Variants in MYO5A observed in about 807,000 individuals in gnomAD.
MYO5A encodes unconventional myosin-Va.
MYO5A carries 98 observed loss-of-function variants against 249.7 expected under a neutral mutation model. That is an observed-to-expected ratio of 0.39 (90% confidence interval 0.33 to 0.46). MYO5A has a LOEUF of 0.46. MYO5A is among the 20% of genes least tolerant of loss of function. MYO5A has a pLI of 0.98. For synonymous variants in MYO5A, 778 were observed against 810.6 expected (o/e 0.96, Z 0.68); for missense variants, 1,696 against 2,308.8 (o/e 0.73, Z 5.44).
At chr15:52,402,458 TATG>T (rs1411097303) in intron 9 of MYO5A, among the ~76,000 whole-genome samples, 1 of 152,182 alleles carries the variant, frequency 6.6e-6, no homozygotes, top group African/African-American at 2.4e-5. Flanking sequence ...CTCACTTGGC[TATG>T]AAACCCAAAG....
chr15:52,356,714 C>T (rs541574508), intron 25 of MYO5A, among the ~76,000 whole-genome samples: 47 of 147,174 alleles, frequency 3.2e-4, no homozygotes, highest in Non-Finnish European at 5.2e-4. Context: ...CAGTAGTAAC[C>T]GTTATAATTA....
At chr15:52,493,087 T>C (rs991355927) in intron 1 of MYO5A, among the ~76,000 whole-genome samples, 1 of 152,130 alleles carries the variant, frequency 6.6e-6, no homozygotes, top group African/African-American at 2.4e-5. Context: ...AGGCTTTTGA[T>C]TGGGACTCTC....
chr15:52,357,465 A>AAG (rs1555432920), intron 25 of MYO5A, among the ~76,000 whole-genome samples: 1,602 of 151,634 alleles, frequency 0.011, 23 homozygotes, highest in African/African-American at 0.037. Flanking sequence ...AAAAAAAAAA[A>AAG]AAAGAAAAAA....
chr15:52,493,949 A>T (rs1355498113), intron 1 of MYO5A, among the ~76,000 whole-genome samples: 1 of 152,238 alleles, frequency 6.6e-6, no homozygotes, highest in Non-Finnish European at 1.5e-5. Context: ...AGCTTGTATC[A>T]TACAAGAGTA....
At chr15:52,366,044 A>G (rs1393671025) in intron 23 of MYO5A, among the ~76,000 whole-genome samples, 3 of 152,046 alleles carry the variant, frequency 2.0e-5, no homozygotes, top group African/African-American at 7.3e-5. Context: ...CCTCAGTATT[A>G]GCCCCTTCAG....
chr15:52,469,060 A>C lies in MYO5A; in HGVS notation c.28-35775T>G, dbSNP rs181690013. Among the ~76,000 whole-genome samples, 68 of 152,360 alleles carry C rather than the reference A, an allele frequency of 4.5e-4. 1 individual carries two copies. The East Asian group carries it at 7.1e-3, about 16-fold the overall frequency. On this transcript the variant is annotated intron_variant, in intron 1 of 41. Transcript: ENST00000399233. ...TAAAAAATACAAATAATTATTTCTA[A>C]AAATGTTCTGCAGCATTGTTTGTAA...
intron 2 of MYO5A, among the ~76,000 whole-genome samples, chr15:52,432,445 A>G (rs1266109438): frequency 6.6e-6 from 1 of 152,258 alleles, no homozygotes. Context: ...GCAAAAATCC[A>G]ATATAGTCAA....
rs752252364 is a variant in MYO5A, at chr15:52,416,151, G to A, written c.606C>T (p.Ile202=). The A allele has an allele frequency of 6.2e-7, 1 of 1,614,006 alleles. No individual in the cohort carries two copies. The highest frequency in any genetic ancestry group is 1.1e-5 in the South Asian group (1 of 91,076). ...VEEKVLASNP[I]MESIGNAKTT... ...CGAAGACTCGCTGTCTTACCTCCAT[G>A]ATGGGGTTGGAGGCCAAGACCTTTT... Residue 202 remains isoleucine, a synonymous_variant, in exon 5 of 42, where the codon ATC becomes ATT. Transcript: ENST00000399233.
intron 19 of MYO5A, 31 bp downstream of exon 19, chr15:52,376,316 G>A: frequency 1.2e-6 from 2 of 1,600,482 alleles, no homozygotes; most frequent in African/African-American, 1.3e-5. Context: ...TGAATTAGAT[G>A]GGCACTCTAC....
chr15:52,347,122 T>C (rs1596323211), intron 29 of MYO5A, among the ~76,000 whole-genome samples: 1 of 152,136 alleles, frequency 6.6e-6, no homozygotes, highest in Non-Finnish European at 1.5e-5. Context: ...ATAACTTTTT[T>C]CCAACATTTT....
intron 1 of MYO5A, among the ~76,000 whole-genome samples, chr15:52,475,045 A>T (rs1243570921): frequency 6.6e-6 from 1 of 152,136 alleles, no homozygotes; most frequent in Admixed American, 6.5e-5. Context: ...TAGGCTATTA[A>T]TTATTGCCTC....
intron 36 of MYO5A, among the ~76,000 whole-genome samples, chr15:52,325,463 G>A (rs527257309): frequency 4.7e-5 from 7 of 149,724 alleles, no homozygotes; most frequent in Admixed American, 2.0e-4. Flanking sequence ...GTGCAGTGGC[G>A]TGATCATGGC....
intron 40 of MYO5A, among the ~76,000 whole-genome samples, chr15:52,314,888 C>T (rs576171245): frequency 7.9e-5 from 12 of 151,984 alleles, no homozygotes; most frequent in Non-Finnish European, 1.3e-4. Context: ...CCTGTGCTGT[C>T]CAATACAACA....
In MYO5A at chr15:52,336,376, C is replaced by G. The variant is rs190237353; in HGVS notation, c.4408+87G>C. ...TTATCCCTAATATTTGCATGCAAAC[C>G]TCTATTAGGCCACTTATATAGCCTA... On this transcript the variant is annotated intron_variant, in intron 34 of 41. Transcript: ENST00000399233. 2.6e-4 allele frequency: 217 copies of G among 834,050 alleles called. No homozygotes were observed. The Middle Eastern group carries it at 3.4e-3, about 13-fold the overall frequency. The allele number at this position is 834,050 out of a possible 1,614,324, so 51.7% of individuals were successfully genotyped here. A position where few individuals can be genotyped will look rare whatever the true frequency, so the allele number is the denominator to read the frequency against.
At chr15:52,513,086 A>C (rs1444490163) in intron 1 of MYO5A, among the ~76,000 whole-genome samples, 1 of 151,742 alleles carries the variant, frequency 6.6e-6, no homozygotes, top group Non-Finnish European at 1.5e-5. Flanking sequence ...GTGAAAGATC[A>C]AGCCAAGACA....
intron 28 of MYO5A, 47 bp downstream of exon 28, chr15:52,351,207 T>G: frequency 6.9e-7 from 1 of 1,454,214 alleles, no homozygotes; most frequent in South Asian, 1.2e-5. Flanking sequence ...AAGAAGATAT[T>G]GAGGCCAGTC....
At chr15:52,345,984 G>A (rs571740192) in intron 30 of MYO5A, among the ~76,000 whole-genome samples, 23 of 152,078 alleles carry the variant, frequency 1.5e-4, no homozygotes, top group Non-Finnish European at 3.1e-4. Context: ...TTCAAATATT[G>A]AAAACTGCAG....
rs372658098 is a variant in MYO5A at position 52,410,686 on chromosome 15, A to G, written c.613-210T>C. ...CCTGCAACCTCCGCCTCCCAGGTTC[A>G]AGTGATTCTCCTGCCTCAGCCTCTG... On this transcript the variant is annotated intron_variant, in intron 5 of 41. Coordinates refer to ENST00000399233, the MANE Select transcript of MYO5A (RefSeq NM_001382347.1). Among the ~76,000 whole-genome samples the G allele has an allele frequency of 2.0e-5, 3 of 150,972 alleles. No individual in the cohort carries two copies. In the East Asian group the frequency reaches 5.9e-4, roughly 30 times the overall value.
At chr15:52,503,149 A>G (rs2077192710) in intron 1 of MYO5A, among the ~76,000 whole-genome samples, 1 of 152,198 alleles carries the variant, frequency 6.6e-6, no homozygotes, top group African/African-American at 2.4e-5. Context: ...GGTTACAATA[A>G]TCTACTGTAT....
Sources: gnomAD v4.1 joint callset for allele counts (sites outside exome capture counted in the v4.1 genomes callset) on GRCh38, gnomAD v4.1.1 for gene constraint, MANE v1.5 for transcripts, NCBI Gene and HGNC (gene_info 2026-07-23, HGNC 2026-07-21) for gene names.